THRB: variants seen among roughly 807,000 people sequenced by gnomAD.
THRB encodes thyroid hormone receptor beta.
A neutral mutation model predicts 47.8 loss-of-function variants in THRB; 12 were observed. That is an observed-to-expected ratio of 0.25 (90% confidence interval 0.16 to 0.41). The LOEUF is 0.41. Ranked by LOEUF, THRB falls within the 10% of genes least tolerant of loss-of-function variation. The pLI is 1.00. For missense variants in THRB, 348 were observed against 589.2 expected (o/e 0.59, Z 4.24); for synonymous variants, 218 against 212.2 (o/e 1.03, Z -0.24).
In THRB at chr3:24,143,740, A is replaced by G. The variant is rs764033841; in HGVS notation, c.533-34T>C. On this transcript the variant is annotated intron_variant, in intron 7 of 10. Coordinates refer to ENST00000646209, the MANE Select transcript of THRB (RefSeq NM_001354712.2). ...GGGAGAAAGATGAGACAAGGCACAC[A>G]GATGCTCCCAAGATACACAGCAAGC... 9 of 1,607,730 alleles carry G rather than the reference A, an allele frequency of 5.6e-6. No individual in the cohort carries two copies. In the Admixed American group the frequency reaches 1.5e-4, roughly 27 times the overall value.
chr3:24,207,185 A>T (rs1228873347), intron 4 of THRB, among the ~76,000 whole-genome samples: 1 of 152,198 alleles, frequency 6.6e-6, no homozygotes, highest in African/African-American at 2.4e-5. Flanking sequence ...TGGCCGAGAC[A>T]CAACAAAAAA....
chr3:24,475,173 G>A (rs1313984862), intron 1 of THRB, among the ~76,000 whole-genome samples: 5 of 151,850 alleles, frequency 3.3e-5, no homozygotes, highest in Admixed American at 6.6e-5. Context: ...TATGATGTAA[G>A]GATTTTTTTC....
chr3:24,278,769 C>G (rs1372361140), intron 3 of THRB, among the ~76,000 whole-genome samples: 1 of 152,206 alleles, frequency 6.6e-6, no homozygotes, highest in Non-Finnish European at 1.5e-5. Flanking sequence ...AGCACAGCAC[C>G]CAACGTGGCA....
chr3:24,204,126 A>G (rs1437080811), intron 4 of THRB, among the ~76,000 whole-genome samples: 1 of 152,254 alleles, frequency 6.6e-6, no homozygotes, highest in Non-Finnish European at 1.5e-5. Flanking sequence ...CTGCAGACTT[A>G]AATGTCCCTG....
At chr3:24,248,284 A>G (rs953365506) in intron 3 of THRB, among the ~76,000 whole-genome samples, 2 of 152,036 alleles carry the variant, frequency 1.3e-5, no homozygotes, top group African/African-American at 4.8e-5. Flanking sequence ...CCCCATATTG[A>G]TGCTGCTGGA....
At chr3:24,400,944 T>C (rs1230549408) in intron 1 of THRB, among the ~76,000 whole-genome samples, 1 of 152,040 alleles carries the variant, frequency 6.6e-6, no homozygotes, top group African/African-American at 2.4e-5. Flanking sequence ...CTTGGATAGA[T>C]TTTTGGCATA....
chr3:24,208,551 T>TAC (rs1242707211), intron 4 of THRB, among the ~76,000 whole-genome samples: 1 of 152,188 alleles, frequency 6.6e-6, no homozygotes, highest in African/African-American at 2.4e-5. Flanking sequence ...ACCACACATC[T>TAC]ACAACCATCC....
chr3:24,441,523 A>G (rs1451748842), intron 1 of THRB, among the ~76,000 whole-genome samples: 2 of 152,262 alleles, frequency 1.3e-5, no homozygotes, highest in Admixed American at 6.5e-5. Flanking sequence ...GGGAGGTACA[A>G]GAAAATGTTA....
intron 1 of THRB, among the ~76,000 whole-genome samples, chr3:24,411,785 T>A (rs986997933): frequency 4.6e-5 from 7 of 151,662 alleles, no homozygotes; most frequent in African/African-American, 1.7e-4. Context: ...TTACTAAGCA[T>A]CCTACAATGT....
At chr3:24,266,695 G>T (rs2052690255) in intron 3 of THRB, among the ~76,000 whole-genome samples, 1 of 152,146 alleles carries the variant, frequency 6.6e-6, no homozygotes, top group African/African-American at 2.4e-5. Context: ...ACTGATGTTG[G>T]AAGCTAATAC....
chr3:24,161,564 T>G (rs568386999), intron 5 of THRB, among the ~76,000 whole-genome samples: 1 of 150,690 alleles, frequency 6.6e-6, no homozygotes, highest in Non-Finnish European at 1.5e-5. Context: ...TGCTACTTAA[T>G]TTTCATTTCA....
intron 5 of THRB, among the ~76,000 whole-genome samples, chr3:24,167,463 A>C (rs988283769): frequency 6.6e-6 from 1 of 152,144 alleles, no homozygotes; most frequent in Non-Finnish European, 1.5e-5. Context: ...TTTTCTCCCT[A>C]CTGGAAATGT....
intron 3 of THRB, among the ~76,000 whole-genome samples, chr3:24,243,036 G>A (rs1324963720): frequency 7.3e-6 from 1 of 136,980 alleles, no homozygotes; most frequent in Non-Finnish European, 1.5e-5. Flanking sequence ...TGGTCAACCT[G>A]GCTTTCACAT....
At chr3:24,406,236 T>C (rs2067816263) in intron 1 of THRB, among the ~76,000 whole-genome samples, 1 of 151,726 alleles carries the variant, frequency 6.6e-6, no homozygotes, top group Non-Finnish European at 1.5e-5. Flanking sequence ...ATTTCTCATT[T>C]TGAAATATAT....
intron 5 of THRB, among the ~76,000 whole-genome samples, chr3:24,167,315 A>C (rs1209595846): frequency 1.3e-5 from 2 of 152,208 alleles, no homozygotes; most frequent in African/African-American, 4.8e-5. Flanking sequence ...AATATCCTAG[A>C]AAGCATGAAA....
intron 3 of THRB, among the ~76,000 whole-genome samples, chr3:24,237,743 C>G (rs1229003137): frequency 6.6e-6 from 1 of 152,026 alleles, no homozygotes; most frequent in African/African-American, 2.4e-5. Context: ...TATTCTATAC[C>G]CTTCAATGCT....
chr3:24,409,918 T>C (rs1372187596), intron 1 of THRB, among the ~76,000 whole-genome samples: 2 of 151,886 alleles, frequency 1.3e-5, no homozygotes, highest in African/African-American at 2.4e-5. Context: ...GTTTACCTAT[T>C]GCTATTCATT....
At chr3:24,349,080 A>G (rs1459456280) in intron 1 of THRB, among the ~76,000 whole-genome samples, 1 of 152,166 alleles carries the variant, frequency 6.6e-6, no homozygotes, top group African/African-American at 2.4e-5. Flanking sequence ...ACAAACATTT[A>G]GAAAATAAAA....
At chr3:24,446,630 C>T (rs2072114336) in intron 1 of THRB, among the ~76,000 whole-genome samples, 1 of 150,784 alleles carries the variant, frequency 6.6e-6, no homozygotes, top group Non-Finnish European at 1.5e-5. Context: ...GTGACAGTGA[C>T]ATCAGAAGTC....
Sources: allele counts gnomAD v4.1 joint callset (sites outside exome capture counted in the v4.1 genomes callset), GRCh38; gene constraint gnomAD v4.1.1; transcripts MANE v1.5; gene names NCBI Gene and HGNC (gene_info 2026-07-23, HGNC 2026-07-21).